Variants in SAMD12 observed in about 807,000 individuals in gnomAD.
The protein encoded by SAMD12 is sterile alpha motif domain containing 12, also known as sterile alpha motif domain-containing protein 12.
Under a neutral mutation model 15.0 loss-of-function variants are expected in SAMD12, and 9 were observed. The observed-to-expected ratio is 0.60, with a 90% CI of 0.36 to 1.05. The LOEUF is 1.05. Ranked by LOEUF, SAMD12 falls within the 50% of genes least tolerant of loss-of-function variation. The probability of loss-of-function intolerance (pLI) is 0.01; values close to 1 mark genes in which losing one functional copy is unlikely to be tolerated. For synonymous variants in SAMD12, 86 were observed against 90.1 expected (o/e 0.96, Z 0.25); for missense variants, 230 against 234.2 (o/e 0.98, Z 0.12).
chr8:118,284,446 T>C, intron 4 of SAMD12: 1 of 446,986 alleles, frequency 2.2e-6, no homozygotes. Flanking sequence ...CTGCCTGATA[T>C]ATCCCTGTCC....
At chr8:118,295,646 A>AT (rs34753693) in intron 4 of SAMD12, 10,269 of 134,108 alleles carry the variant, frequency 0.077, 561 homozygotes, top group Non-Finnish European at 0.12. Context: ...GCTGTCACTG[A>AT]TTTTTTTTTT....
intron 2 of SAMD12, among the ~76,000 whole-genome samples, chr8:118,554,076 C>T (rs1046479277): frequency 3.3e-5 from 5 of 151,780 alleles, no homozygotes; most frequent in Admixed American, 3.3e-4. Context: ...CACTTTTACA[C>T]TGTTGGTGGG....
chr8:118,333,576 G>A (rs1304120163), intron 4 of SAMD12, among the ~76,000 whole-genome samples: 1 of 150,494 alleles, frequency 6.6e-6, no homozygotes, highest in African/African-American at 2.5e-5. Context: ...TAATTTACAA[G>A]TTAGGGCCAA....
At chr8:118,299,286 G>A (rs959153117) in intron 4 of SAMD12, among the ~76,000 whole-genome samples, 6 of 152,156 alleles carry the variant, frequency 3.9e-5, no homozygotes, top group Admixed American at 2.0e-4. Flanking sequence ...TGGAGGCAGC[G>A]AAGAGGAGCA....
Position 118,601,714 on chromosome 8 carries a change from T to C in SAMD12, c.13+20090A>G, listed in dbSNP as rs143000726. ...ATCACAGAGCAAATGGCCATGCCAATAGCTGAGCCTGTTTAGTTTGGCAGT... is the reference window on the plus strand; with the variant it reads ...ATCACAGAGCAAATGGCCATGCCAACAGCTGAGCCTGTTTAGTTTGGCAGT... On this transcript the variant is annotated intron_variant, in intron 1 of 3. Transcript: ENST00000314727. Among the ~76,000 whole-genome samples the C allele has an allele frequency of 3.2e-4, 49 of 152,314 alleles. 1 individual carries two copies. Among genetic ancestry groups the C allele is most frequent in the African/African-American group, 1.1e-3 (45 of 41,562 alleles).
intron 2 of SAMD12, among the ~76,000 whole-genome samples, chr8:118,534,595 C>G (rs1450917064): frequency 6.6e-6 from 1 of 152,104 alleles, no homozygotes; most frequent in South Asian, 2.1e-4. Context: ...AGACGTAGAT[C>G]TTGTCTTTTC....
intron 4 of SAMD12, among the ~76,000 whole-genome samples, chr8:118,222,180 A>T (rs2129874828): frequency 6.6e-6 from 1 of 152,230 alleles, no homozygotes; most frequent in African/African-American, 2.4e-5. Flanking sequence ...AGGGAAGGGC[A>T]GTTATTAAAT....
rs150756402 is a variant in SAMD12, at chr8:118,512,205, C to A, written c.192+68510G>T. Among the ~76,000 whole-genome samples, 493 of 152,288 alleles carry A rather than the reference C, an allele frequency of 3.2e-3. 3 individuals carry two copies. Among genetic ancestry groups the A allele is most frequent in the African/African-American group, 0.011 (469 of 41,554 alleles). On this transcript the variant is annotated intron_variant, in intron 2 of 3. Transcript: ENST00000314727. ...CTTAACTTTGAAGACTTTGGCGGAA[C>A]TTCCAGGAAAGAGACATTTTTCTAT...
chr8:118,612,745 G>A (rs151210447), intron 1 of SAMD12, among the ~76,000 whole-genome samples: 19 of 152,222 alleles, frequency 1.2e-4, no homozygotes, highest in African/African-American at 2.6e-4. Flanking sequence ...ATTTAGGTTC[G>A]CACAACCTGT....
chr8:118,186,828 GAA>G (rs1284395096), downstream of SAMD12, among the ~76,000 whole-genome samples: 4 of 152,066 alleles, frequency 2.6e-5, no homozygotes, highest in Non-Finnish European at 4.4e-5. Context: ...GAGAGAGAGA[GAA>G]GAGTTAAAAC....
chr8:118,185,671 A>C (rs553702915), downstream of SAMD12, among the ~76,000 whole-genome samples: 4 of 152,326 alleles, frequency 2.6e-5, no homozygotes, highest in South Asian at 6.2e-4. Context: ...CAAACCCCTA[A>C]TATTCCAGAA....
At chr8:118,617,831 C>T (rs1828274699) in intron 1 of SAMD12, among the ~76,000 whole-genome samples, 1 of 152,148 alleles carries the variant, frequency 6.6e-6, no homozygotes. Flanking sequence ...ATGAATACGA[C>T]ACTGTCCCCA....
rs1337617494 is a variant in SAMD12, at chr8:118,378,531, A to G, written c.*886T>C. ...AGAATAGTCATCTTTCAGGGAGCACATTATTTCCTCTAGGCAAATGGACTA... is the reference window on the plus strand; with the variant it reads ...AGAATAGTCATCTTTCAGGGAGCACGTTATTTCCTCTAGGCAAATGGACTA... On this transcript the variant is annotated 3_prime_UTR_variant, in exon 4 of 4. Coordinates refer to ENST00000314727, the MANE Select transcript of SAMD12 (RefSeq NM_207506.3). 27 of 984,758 alleles carry G rather than the reference A, an allele frequency of 2.7e-5. No individual in the cohort carries two copies. The highest frequency in any genetic ancestry group is 3.0e-5 in the Non-Finnish European group (25 of 829,458). 61.0% of individuals were successfully genotyped at this position (984,758 alleles called of 1,614,324 possible).
chr8:118,561,768 G>T (rs1370091950), intron 2 of SAMD12, among the ~76,000 whole-genome samples: 3 of 152,136 alleles, frequency 2.0e-5, no homozygotes, highest in Non-Finnish European at 4.4e-5. Context: ...TGCAGACACT[G>T]CCAAATCACA....
intron 1 of SAMD12, among the ~76,000 whole-genome samples, chr8:118,604,618 A>G (rs1254638976): frequency 6.6e-6 from 1 of 152,210 alleles, no homozygotes; most frequent in East Asian, 1.9e-4. Flanking sequence ...TAATATATTG[A>G]TGATTACAGG....
At chr8:118,240,777 C>T (rs1030795376) in intron 4 of SAMD12, among the ~76,000 whole-genome samples, 1 of 152,128 alleles carries the variant, frequency 6.6e-6, no homozygotes, top group African/African-American at 2.4e-5. Flanking sequence ...ACGAGGGAGG[C>T]ATGCTCAGTC....
At chr8:118,258,265 C>G (rs1384264127) in intron 4 of SAMD12, among the ~76,000 whole-genome samples, 1 of 152,114 alleles carries the variant, frequency 6.6e-6, no homozygotes, top group African/African-American at 2.4e-5. Context: ...CCCTCTGAGA[C>G]TATTATTGTT....
chr8:118,196,711 C>A (rs368113393), exon 5 of SAMD12: 3 of 152,172 alleles, frequency 2.0e-5, no homozygotes, highest in Non-Finnish European at 4.4e-5. Flanking sequence ...GAAGTGTTAA[C>A]GTCAGACCAC....
chr8:118,197,813 C>T (rs368855812), intron 4 of SAMD12: 3 of 1,223,250 alleles, frequency 2.5e-6, no homozygotes, highest in East Asian at 2.3e-5. Context: ...TTATCTTATT[C>T]AAACAAACCC....
Sources: gnomAD v4.1 joint callset for allele counts (sites outside exome capture counted in the v4.1 genomes callset) on GRCh38, gnomAD v4.1.1 for gene constraint, MANE v1.5 for transcripts, NCBI Gene and HGNC (gene_info 2026-07-23, HGNC 2026-07-21) for gene names.